Variants in TCAF1 observed in about 807,000 individuals in gnomAD.
TCAF1 encodes TRPM8 channel associated factor 1.
In TCAF1, 4 loss-of-function variants were observed where a neutral mutation model predicts 27.3. That is an observed-to-expected ratio of 0.15 (90% CI 0.07 to 0.34). The LOEUF is 0.34. Among genes scored for constraint, TCAF1 ranks in the 10% least tolerant of loss-of-function variants. The pLI is 1.00. For synonymous variants in TCAF1, 105 were observed against 167.1 expected, an observed-to-expected ratio of 0.63 and a Z score of 2.87; for missense variants, 257 against 425.8, an observed-to-expected ratio of 0.60 and a Z score of 3.49.
At chr7:143,867,589 C>T (rs1586754693) in intron 2 of TCAF1, among the ~76,000 whole-genome samples, 1 of 142,680 alleles carries the variant, frequency 7.0e-6, no homozygotes, top group Admixed American at 7.3e-5. Context: ...CTTTTTGTTT[C>T]CTTAATACTG....
At chr7:143,882,568 T>A (rs1288823406) in intron 1 of TCAF1, 4 of 985,086 alleles carry the variant, frequency 4.1e-6, no homozygotes, top group South Asian at 4.7e-5. Flanking sequence ...GGATTCTCTG[T>A]CCCCGATGAT....
At chr7:143,868,485 C>T in intron 2 of TCAF1, among the ~76,000 whole-genome samples, 1 of 122,500 alleles carries the variant, frequency 8.2e-6, no homozygotes, top group Non-Finnish European at 1.7e-5. Context: ...ATGCTTTTTG[C>T]AAATACTTCT....
chr7:143,893,628 T>C (rs759976747), intron 1 of TCAF1, among the ~76,000 whole-genome samples: 7 of 151,870 alleles, frequency 4.6e-5, no homozygotes, highest in Non-Finnish European at 1.0e-4. Flanking sequence ...AATTCCCACG[T>C]TTGGAAATTA....
chr7:143,889,082 T>C (rs1403123855), intron 1 of TCAF1, among the ~76,000 whole-genome samples: 2 of 152,170 alleles, frequency 1.3e-5, no homozygotes, highest in Non-Finnish European at 2.9e-5. Flanking sequence ...AAAGAATTAC[T>C]GAACTGGATC....
In TCAF1 at chr7:143,902,108, A is replaced by AAGCAGCTTCTCCGCCCAGGAGGC. The variant is rs1345040191; in HGVS notation, c.-185_-163dup. ...GCGGGAGGCGGTTGTTCCCAGGAGG[A>AAGCAGCTTCTCCGCCCAGGAGGC]AGCAGCTTCTCCGCCCAGGAGGCAA... On this transcript the variant is annotated 5_prime_UTR_variant, in exon 1 of 9. Transcript: ENST00000479870. 6.6e-6 allele frequency: 1 copy of AAGCAGCTTCTCCGCCCAGGAGGC among 152,440 alleles called. No individual in the cohort carries two copies. The highest frequency in any genetic ancestry group is 1.5e-5 in the Non-Finnish European group (1 of 68,238). The allele number at this position is 152,440 out of a possible 1,614,324, so 9.4% of individuals were successfully genotyped here.
chr7:143,857,555 C>T (rs1375974755), intron 7 of TCAF1, among the ~76,000 whole-genome samples: 91 of 152,336 alleles, frequency 6.0e-4, no homozygotes, highest in African/African-American at 2.0e-3. Context: ...GGGACCAGCA[C>T]GGTGTTCAAC....
intron 1 of TCAF1, among the ~76,000 whole-genome samples, chr7:143,878,638 C>G (rs1443484369): frequency 1.3e-5 from 2 of 152,290 alleles, no homozygotes; most frequent in East Asian, 1.9e-4. Flanking sequence ...AATGACCTAC[C>G]TACCTCAGGG....
chr7:143,885,143 G>C, intron 1 of TCAF1: 1 of 985,510 alleles, frequency 1.0e-6, no homozygotes, highest in African/African-American at 1.7e-5. Context: ...ATCGGGAGCC[G>C]CCCCTGAATT....
At chr7:143,889,937 T>A (rs905525975) in intron 1 of TCAF1, among the ~76,000 whole-genome samples, 1 of 152,224 alleles carries the variant, frequency 6.6e-6, no homozygotes, top group Non-Finnish European at 1.5e-5. Flanking sequence ...GAGTCCTGAT[T>A]TGGCTCCTTC....
intron 1 of TCAF1, chr7:143,885,474 C>T: frequency 1.0e-6 from 1 of 985,360 alleles, no homozygotes; most frequent in Non-Finnish European, 1.2e-6. Context: ...CAGTTTCTAC[C>T]CCAAGATGCC....
intron 1 of TCAF1, among the ~76,000 whole-genome samples, chr7:143,899,841 G>T (rs1814040714): frequency 6.6e-6 from 1 of 152,020 alleles, no homozygotes; most frequent in South Asian, 2.1e-4. Context: ...AAAGAGACAG[G>T]AATCAGAATT....
At chr7:143,885,409 G>A (rs1813349907) in intron 1 of TCAF1, 8 of 985,460 alleles carry the variant, frequency 8.1e-6, no homozygotes, top group Non-Finnish European at 9.6e-6. Context: ...TGGCTGCCGC[G>A]GGTGGAGGCG....
At chr7:143,896,005 GAAAT>G in intron 1 of TCAF1, among the ~76,000 whole-genome samples, 1 of 151,634 alleles carries the variant, frequency 6.6e-6, no homozygotes. Flanking sequence ...TAAGATGGTA[GAAAT>G]AAATCTAACT....
intron 1 of TCAF1, among the ~76,000 whole-genome samples, chr7:143,884,577 T>C (rs1813290869): frequency 6.6e-6 from 1 of 152,008 alleles, no homozygotes; most frequent in Non-Finnish European, 1.5e-5. Context: ...TAATACTGAA[T>C]CTCGTGCAAA....
chr7:143,890,262 A>G (rs1368581646), intron 1 of TCAF1, among the ~76,000 whole-genome samples: 1 of 150,796 alleles, frequency 6.6e-6, no homozygotes, highest in African/African-American at 2.4e-5. Flanking sequence ...TCGGCCTCCC[A>G]AAGTGCTGGG....
chr7:143,900,104 T>C (rs1814049632), intron 1 of TCAF1, among the ~76,000 whole-genome samples: 2 of 152,202 alleles, frequency 1.3e-5, no homozygotes, highest in Admixed American at 6.5e-5. Context: ...ATAAATCTTA[T>C]AACTCCGCAA....
intron 1 of TCAF1, among the ~76,000 whole-genome samples, chr7:143,893,586 G>T (rs1336284020): frequency 1.3e-5 from 2 of 151,830 alleles, no homozygotes; most frequent in African/African-American, 4.8e-5. Context: ...AATTAAACCA[G>T]AAATAAATAA....
intron 1 of TCAF1, among the ~76,000 whole-genome samples, chr7:143,898,685 A>G (rs560107408): frequency 3.3e-5 from 5 of 152,262 alleles, no homozygotes; most frequent in Admixed American, 3.3e-4. Context: ...TGACTTAAAT[A>G]GTGTCATATA....
At chr7:143,883,479 G>A (rs1253278548) in intron 1 of TCAF1, among the ~76,000 whole-genome samples, 2 of 145,656 alleles carry the variant, frequency 1.4e-5, no homozygotes, top group Non-Finnish European at 3.0e-5. Context: ...AGTTCAAATC[G>A]CATTTCTTTC....
Sources: allele counts gnomAD v4.1 joint callset (sites outside exome capture counted in the v4.1 genomes callset), GRCh38; gene constraint gnomAD v4.1.1; transcripts MANE v1.5; gene names NCBI Gene and HGNC (gene_info 2026-07-23, HGNC 2026-07-21).